The following TSC1 variants were observed in gnomAD, a reference collection of about 807,000 sequenced individuals.
TSC1 encodes hamartin.
In TSC1, 20 loss-of-function variants were observed where a neutral mutation model predicts 124.3. That is an observed-to-expected ratio of 0.16 (90% CI 0.11 to 0.23). The LOEUF (loss-of-function observed/expected upper bound fraction) is 0.23, where lower values mean the gene tolerates loss of function less well. TSC1 is among the 10% of genes least tolerant of loss of function. The pLI is 1.00. For synonymous variants in TSC1, 493 were observed against 539.1 expected (o/e 0.91, Z 1.19); for missense variants, 1,124 against 1,448.5 (o/e 0.78, Z 3.64).
In TSC1 at chr9:132,892,048, C is replaced by T; in HGVS notation, c.*4187G>A. On this transcript the variant is annotated 3_prime_UTR_variant, in exon 23 of 23. Transcript: ENST00000298552. ...GTTTCATGACCAGAAGCCATGGGCA[C>T]AGGTGCTCGGCTCTTCCAGGCAGGC... is the stretch of plus-strand genomic sequence containing the variant. The T allele has an allele frequency of 4.3e-6, 1 of 233,190 alleles. No individual in the cohort carries two copies. Among genetic ancestry groups the T allele is most frequent in the Non-Finnish European group, 8.5e-6 (1 of 117,970 alleles). The allele number at this position is 233,190 out of a possible 1,614,324, so 14.4% of individuals were successfully genotyped here.
At position 132,901,704 on chromosome 9, in the gene TSC1, C is replaced by T. The variant is rs1463016849; in HGVS notation, c.2392-5G>A. 5 of 1,613,592 alleles carry T rather than the reference C, an allele frequency of 3.1e-6. No homozygotes were observed. The highest frequency in any genetic ancestry group is 4.2e-6 in the Non-Finnish European group (5 of 1,179,952). On this transcript the variant is annotated splice_region_variant and splice_polypyrimidine_tract_variant and intron_variant, in intron 18 of 22. Coordinates refer to ENST00000298552, the MANE Select transcript of TSC1 (RefSeq NM_000368.5). ...CCTGCAGTCCTCCAGCTTCGTCTGC[C>T]CAAAGAGACGTGGACATGAAGTTTG...
At chr9:132,897,040 T>G in intron 22 of TSC1, 144 bp downstream of exon 22, 1 of 1,389,368 alleles carries the variant, frequency 7.2e-7, no homozygotes, top group East Asian at 2.3e-5. Context: ...GAAAGGAACG[T>G]CAGAGTGGGT....
Position 132,923,365 on chromosome 9 carries a change from C to A in TSC1, c.491G>T (p.Trp164Leu), listed in dbSNP as rs118203387. 4 of 1,614,098 alleles carry A rather than the reference C, an allele frequency of 2.5e-6. No individual in the cohort carries two copies. The highest frequency in any genetic ancestry group is 3.4e-6 in the Non-Finnish European group (4 of 1,179,996). ...ATCTGTACCTGGTTTCTTCAGGCAC[C>A]ATGATGACAGACGGCCAAAAATGTC... is the stretch of plus-strand genomic sequence containing the variant. ...FFDIFGRLSS[W>L]CLKKPGHVAE... is the part of the protein sequence containing the mutation. The change falls in exon 6 of 23, where the codon TGG becomes TTG. Residue 164 changes from tryptophan to leucine, a missense_variant. Trp to Leu is a moderately conservative substitution (Grantham distance 61). Coordinates refer to ENST00000298552, the MANE Select transcript of TSC1 (RefSeq NM_000368.5). This position sits in a 1 kb window ranked among gnomAD's most constrained non-coding sequence, Gnocchi z 4.2.
At position 132,892,771 on chromosome 9, in the gene TSC1, G is replaced by C. The variant is rs537386509; in HGVS notation, c.*3464C>G. 4 of 233,320 alleles carry C rather than the reference G, an allele frequency of 1.7e-5. No homozygotes were observed. Among genetic ancestry groups the C allele is most frequent in the Non-Finnish European group, 2.5e-5 (3 of 118,068 alleles). 14.5% of individuals were successfully genotyped at this position (233,320 alleles called of 1,614,324 possible). On this transcript the variant is annotated 3_prime_UTR_variant, in exon 23 of 23. Coordinates refer to ENST00000298552, the MANE Select transcript of TSC1 (RefSeq NM_000368.5). ...GCTTGTCACAGCACACTTCAGTTCT[G>C]CTGGCTACATGAAACGCATACCCAG...
chr9:132,904,860 CTA>C (rs1845574219), intron 15 of TSC1, among the ~76,000 whole-genome samples: 2 of 152,188 alleles, frequency 1.3e-5, no homozygotes, highest in Admixed American at 1.3e-4. Context: ...TGTTGTAAAG[CTA>C]TGTCACTCCG....
intron 1 of TSC1, among the ~76,000 whole-genome samples, chr9:132,940,570 G>A (rs1269999412): frequency 6.6e-6 from 1 of 152,144 alleles, no homozygotes; most frequent in Non-Finnish European, 1.5e-5. Flanking sequence ...AAATGTTTGG[G>A]CTGTGGAGTC....
rs1845189567 is a variant in TSC1, at chr9:132,898,243, G to A, written c.2626-633C>T. 2.0e-5 allele frequency among the ~76,000 whole-genome samples: 3 copies of A among 152,232 alleles called. No individual in the cohort carries two copies. The South Asian group carries it at 6.2e-4, about 31-fold the overall frequency. The stretch of plus-strand genomic sequence containing the variant: ...CAGACTGGATGCCCTGACAAGGTTT[G>A]TTGATCGTGCTAAGGCAGATGGCCT... On this transcript the variant is annotated intron_variant, in intron 20 of 22. Transcript: ENST00000298552.
rs1430524556 is a variant in TSC1 at position 132,893,023 on chromosome 9, T to G, written c.*3212A>C. ...GTAATGTGCGGCATGGTGGGTGAAT[T>G]TTTCTAATTGTCCTGGGTCGTAACA... is the stretch of plus-strand genomic sequence containing the variant. On this transcript the variant is annotated 3_prime_UTR_variant, in exon 23 of 23. Transcript: ENST00000298552. 1 of 233,204 alleles carries G rather than the reference T, an allele frequency of 4.3e-6. No individual in the cohort carries two copies. 14.4% of individuals were successfully genotyped at this position (233,204 alleles called of 1,614,324 possible).
intron 8 of TSC1, among the ~76,000 whole-genome samples, chr9:132,919,611 C>T (rs760535693): frequency 3.9e-5 from 6 of 152,122 alleles, no homozygotes; most frequent in Non-Finnish European, 5.9e-5. Flanking sequence ...CTGCATCCTT[C>T]CTCAAAAAGC....
chr9:132,920,771 A>G lies in TSC1; in HGVS notation c.737+592T>C, dbSNP rs374662919. Among the ~76,000 whole-genome samples, 8 of 152,168 alleles carry G rather than the reference A, an allele frequency of 5.3e-5. No individual in the cohort carries two copies. The East Asian group carries it at 9.9e-4, about 19-fold the overall frequency. On this transcript the variant is annotated intron_variant, in intron 8 of 22. Transcript: ENST00000298552. ...GAAGGAGCTGGGCCTCCCACAGCTC[A>G]GTCTGTAAATTTCCTTTATCTCCCT...
At position 132,895,883 on chromosome 9, in the gene TSC1, G is replaced by A. The variant is rs1168460068; in HGVS notation, c.*352C>T. The A allele has an allele frequency of 1.0e-5, 4 of 383,012 alleles. No homozygotes were observed. Among genetic ancestry groups the A allele is most frequent in the African/African-American group, 6.0e-5 (3 of 49,770 alleles). 23.7% of individuals were successfully genotyped at this position (383,012 alleles called of 1,614,324 possible). On this transcript the variant is annotated 3_prime_UTR_variant, in exon 23 of 23. Coordinates refer to ENST00000298552, the MANE Select transcript of TSC1 (RefSeq NM_000368.5). ...CGGGAAAGCAGAAAGTGGTGTGTTA[G>A]ACTCAAAGATTAAATTTGGCCTCAT...
At chr9:132,940,530 A>G (rs1847678887) in intron 1 of TSC1, among the ~76,000 whole-genome samples, 1 of 152,232 alleles carries the variant, frequency 6.6e-6, no homozygotes, top group African/African-American at 2.4e-5. Context: ...TGAGGTCAGC[A>G]GATGAAGCAG....
chr9:132,922,136 A>G (rs1846603336), intron 6 of TSC1, among the ~76,000 whole-genome samples, 163 bp from the exon 7 acceptor site: 2 of 152,198 alleles, frequency 1.3e-5, no homozygotes, highest in African/African-American at 4.8e-5. Flanking sequence ...AACAAATCCG[A>G]ACACACCAGA....
intron 8 of TSC1, among the ~76,000 whole-genome samples, chr9:132,913,246 T>C (rs147622131): frequency 3.7e-4 from 56 of 152,310 alleles, no homozygotes; most frequent in African/African-American, 1.3e-3. Context: ...GAAGGCATGA[T>C]TTTTTAAATC....
chr9:132,894,693 TAAAAAAAAAAAAAA>T lies in TSC1; in HGVS notation c.*1528_*1541del, dbSNP rs748099884. 9.2e-6 allele frequency: 1 copy of T among 109,066 alleles called. No homozygotes were observed. Among genetic ancestry groups the T allele is most frequent in the Non-Finnish European group, 1.8e-5 (1 of 55,010 alleles). 6.8% of individuals were successfully genotyped at this position (109,066 alleles called of 1,614,324 possible). A position where few individuals can be genotyped will look rare whatever the true frequency, so the allele number is the denominator to read the frequency against. On this transcript the variant is annotated 3_prime_UTR_variant, in exon 23 of 23. Transcript: ENST00000298552. ...GATGCTAGAATATTTATTGCCATGC[TAAAAAAAAAAAAAA>T]AAAAAAAAGACTTTCATTCTCTCTG...
chr9:132,944,660 CCGCCA>C (rs1272409531), upstream of TSC1: 1 of 398,674 alleles, frequency 2.5e-6, no homozygotes, highest in East Asian at 3.6e-5. Context: ...ACGGCGGCCT[CCGCCA>C]CGAAAAAGAG....
chr9:132,900,927 C>G (rs892604962), intron 19 of TSC1, 90 bp from the exon 20 acceptor site: 35 of 1,589,770 alleles, frequency 2.2e-5, no homozygotes, highest in Non-Finnish European at 3.0e-5. Context: ...TAGGAGCACA[C>G]TATTTCAATG....
intron 2 of TSC1, among the ~76,000 whole-genome samples, chr9:132,933,397 A>C (rs1847302826): frequency 6.6e-6 from 1 of 152,172 alleles, no homozygotes; most frequent in African/African-American, 2.4e-5. Context: ...ACAAAAGTAT[A>C]AACAAGAGTA....
intron 2 of TSC1, among the ~76,000 whole-genome samples, chr9:132,931,035 C>T (rs909051182): frequency 6.6e-6 from 1 of 152,166 alleles, no homozygotes; most frequent in Non-Finnish European, 1.5e-5. Flanking sequence ...AATCTTTGGG[C>T]CACCACTTTC....
Sources: allele counts gnomAD v4.1 joint callset (sites outside exome capture counted in the v4.1 genomes callset), GRCh38; gene constraint gnomAD v4.1.1; non-coding constraint Gnocchi (gnomAD v3.1); transcripts MANE v1.5; gene names NCBI Gene and HGNC (gene_info 2026-07-23, HGNC 2026-07-21).